The following NOD2 variants were observed in gnomAD, a reference collection of about 807,000 sequenced individuals.
The protein encoded by NOD2 is nucleotide binding oligomerization domain containing 2.
NOD2 carries 86 observed loss-of-function variants against 90.9 expected under a neutral mutation model. The ratio of observed to expected loss-of-function variants is 0.95; its 90% CI spans 0.79 to 1.13. NOD2 has a LOEUF of 1.13. Ranked by LOEUF, NOD2 falls within the 50% of genes most tolerant of loss-of-function variation. The pLI is 0.00. For missense variants in NOD2, 1,238 were observed against 1,283.8 expected (o/e 0.96, Z 0.55); for synonymous variants, 581 against 554.6 (o/e 1.05, Z -0.67).
At position 50,710,597 on chromosome 16, in the gene NOD2, C is replaced by T. The variant is rs529640892; in HGVS notation, c.605C>T (p.Thr202Met). 39 of 1,614,236 alleles carry T rather than the reference C, an allele frequency of 2.4e-5. No individual in the cohort carries two copies. Among genetic ancestry groups the T allele is most frequent in the South Asian group, 5.5e-5 (5 of 91,088 alleles). ...CKKYMAKLRT[T>M]VSAQSRFLST... is the part of the protein sequence containing the mutation. ...AAGTATATGGCCAAGCTGAGGACCA[C>T]GGTGTCTGCTCAGTCTCGCTTCCTC... Residue 202 changes from threonine (T) to methionine (M), a missense_variant, in exon 4 of 12, where the codon ACG becomes ATG. Around this residue, in one of 3 missense-constraint regions of NOD2, gnomAD observed 567 missense variants for 577.3 expected, o/e 0.98. Transcript: ENST00000647318.
intron 1 of NOD2, chr16:50,697,353 C>T (rs1282160702): frequency 4.6e-6 from 7 of 1,533,274 alleles, no homozygotes; most frequent in Non-Finnish European, 6.2e-6. Context: ...CCAGCTTGAT[C>T]CTCAGCCTTC....
In NOD2 at chr16:50,699,738, A is replaced by G. The variant is rs747274659; in HGVS notation, c.243A>G (p.Gln81=). 1 of 1,614,092 alleles carries G rather than the reference A, an allele frequency of 6.2e-7. No homozygotes were observed. The highest frequency in any genetic ancestry group is 2.2e-5 in the East Asian group (1 of 44,874). The change falls in exon 2 of 12, where the codon CAA becomes CAG. Residue 81 remains glutamine, a synonymous_variant. Transcript: ENST00000647318. Reference sequence around the variant, plus strand: ...GTCAGAAGCTCATCGCGGCTGCCCAAGAAGCCCAGGCCGACAGCCAGTCCC... The same window carrying G: ...GTCAGAAGCTCATCGCGGCTGCCCAGGAAGCCCAGGCCGACAGCCAGTCCC... The part of the protein sequence containing the change: ...WACQKLIAAA[Q]EAQADSQSPK...
intron 6 of NOD2, among the ~76,000 whole-genome samples, chr16:50,718,021 T>G (rs1218786222): frequency 6.6e-6 from 1 of 152,192 alleles, no homozygotes; most frequent in African/African-American, 2.4e-5. Flanking sequence ...AAGAGAGTAA[T>G]AGCAACTCAT....
At chr16:50,729,207 C>CCCA (rs1329410767) in intron 10 of NOD2, 1 of 157,812 alleles carries the variant, frequency 6.3e-6, no homozygotes, top group Non-Finnish European at 1.4e-5. Context: ...TCCCACAACA[C>CCCA]GTGGGAATTC....
In NOD2 at chr16:50,729,749, C is replaced by CT; in HGVS notation, c.2886-66dup. 2.2e-6 allele frequency: 3 copies of CT among 1,374,436 alleles called. No individual in the cohort carries two copies. The South Asian group carries it at 3.5e-5, about 16-fold the overall frequency. 85.1% of individuals were successfully genotyped at this position (1,374,436 alleles called of 1,614,324 possible). ...GTAGACTGGCTAACTCCTGCAGTCT[C>CT]TTTAACTGGACAGTTTCAAGAGGAA... is the stretch of plus-strand genomic sequence containing the variant. On this transcript the variant is annotated intron_variant, in intron 10 of 11. Coordinates refer to ENST00000647318, the MANE Select transcript of NOD2 (RefSeq NM_001370466.1).
chr16:50,712,105 A>G lies in NOD2; in HGVS notation c.2113A>G (p.Ser705Gly). The change falls in exon 4 of 12, where the codon AGC becomes GGC. Residue 705 changes from serine to glycine, a missense_variant. Around this residue, in one of 3 missense-constraint regions of NOD2, gnomAD observed 667 missense variants for 688.7 expected, o/e 0.97. Transcript: ENST00000647318. ...GCCAGCTGCACCGGGTGAGGCCAAG[A>G]GCGTGCATGCCATGCCCGGGTTCAT... ...IPPAAPGEAK[S>G]VHAMPGFIWL... 6.2e-7 allele frequency: 1 copy of G among 1,613,960 alleles called. No homozygotes were observed. The highest frequency in any genetic ancestry group is 8.5e-7 in the Non-Finnish European group (1 of 1,180,016).
At chr16:50,706,127 G>T (rs1380980441) in intron 2 of NOD2, among the ~76,000 whole-genome samples, 1 of 152,220 alleles carries the variant, frequency 6.6e-6, no homozygotes, top group African/African-American at 2.4e-5. Flanking sequence ...TGGATGGCTA[G>T]GGGAAGGCTT....
intron 1 of NOD2, among the ~76,000 whole-genome samples, chr16:50,694,473 C>A (rs776904956): frequency 7.9e-5 from 12 of 152,166 alleles, no homozygotes; most frequent in Non-Finnish European, 1.8e-4. Context: ...AGTTTGTTGG[C>A]TGCTCAAGGC....
Position 50,711,492 on chromosome 16 carries a change from C to T in NOD2, c.1500C>T (p.Pro500=), listed in dbSNP as rs104895435. ...ILQHFLLHAT[P]PDSASQGLGP... Reference sequence around the variant, plus strand: ...AGCATTTTCTGCTGCATGCCACCCCCCCAGACTCAGCTTCCCAAGGTCTGG... The same window carrying T: ...AGCATTTTCTGCTGCATGCCACCCCTCCAGACTCAGCTTCCCAAGGTCTGG... Residue 500 remains proline (P), a synonymous_variant, in exon 4 of 12, where the codon CCC becomes CCT. Transcript: ENST00000647318. 1.9e-6 allele frequency: 3 copies of T among 1,613,220 alleles called. No homozygotes were observed. Among genetic ancestry groups the T allele is most frequent in the Middle Eastern group, 1.6e-4 (1 of 6,080 alleles).
chr16:50,723,155 G>T, intron 8 of NOD2, 146 bp from the exon 9 acceptor site: 20 of 311,052 alleles, frequency 6.4e-5, no homozygotes, highest in Non-Finnish European at 8.8e-5. Flanking sequence ...AAAAAAAAAA[G>T]AAAAAAGAAA....
chr16:50,716,487 TG>T, intron 4 of NOD2, 99 bp from the exon 5 acceptor site: 2 of 1,157,452 alleles, frequency 1.7e-6, no homozygotes, highest in African/African-American at 1.5e-5. Flanking sequence ...GCACAGATGC[TG>T]GCACTTCAGG....
intron 4 of NOD2, among the ~76,000 whole-genome samples, chr16:50,714,720 A>G (rs1432928429): frequency 6.6e-6 from 1 of 151,540 alleles, no homozygotes; most frequent in Non-Finnish European, 1.5e-5. Context: ...CACAGTGCCA[A>G]CCTGCCTCTC....
At position 50,716,657 on chromosome 16, in the gene NOD2, T is replaced by C. The variant is rs1964810541; in HGVS notation, c.2452T>C (p.Leu818=). 6.2e-7 allele frequency: 1 copy of C among 1,614,166 alleles called. No homozygotes were observed. Among genetic ancestry groups the C allele is most frequent in the Non-Finnish European group, 8.5e-7 (1 of 1,179,986 alleles). ...TGAATGTGCTCTTCACTGCGAGCAA[T>C]TGCAGAAGTTAGCGTAAGTCAGCCT... ...LIECALHCEQ[L]QKLALFNNKL... is the part of the protein sequence containing the mutation. The change falls in exon 5 of 12, where the codon TTG becomes CTG. Residue 818 remains leucine (L), a synonymous_variant. Coordinates refer to ENST00000647318, the MANE Select transcript of NOD2 (RefSeq NM_001370466.1).
At position 50,699,487 on chromosome 16, in the gene NOD2, G is replaced by C. The variant is rs1427710960; in HGVS notation, c.-8-1G>C. 8 of 1,612,812 alleles carry C rather than the reference G, an allele frequency of 5.0e-6. No homozygotes were observed. Among genetic ancestry groups the C allele is most frequent in the Middle Eastern group, 1.9e-4 (1 of 5,194 alleles). ...CGCACTGACCTTGTTCTCCTCCCCA[G>C]GTTGTGAAATGTGCTCGCAGGAGGC... On this transcript the variant is annotated splice_acceptor_variant, in intron 1 of 11. Coordinates refer to ENST00000647318, the MANE Select transcript of NOD2 (RefSeq NM_001370466.1). LOFTEE classifies it low-confidence loss of function (5UTR_SPLICE).
intron 9 of NOD2, among the ~76,000 whole-genome samples, chr16:50,724,489 G>A (rs1965197221): frequency 6.6e-6 from 1 of 152,222 alleles, no homozygotes; most frequent in Non-Finnish European, 1.5e-5. Context: ...TAGGCAAGCA[G>A]TATCTATAGA....
At chr16:50,726,065 G>T (rs537691338) in intron 10 of NOD2, among the ~76,000 whole-genome samples, 1 of 152,314 alleles carries the variant, frequency 6.6e-6, no homozygotes, top group African/African-American at 2.4e-5. Flanking sequence ...CAGGCAGAGA[G>T]TGGAAGGTCT....
At chr16:50,707,241 C>T (rs1964236944) in intron 2 of NOD2, among the ~76,000 whole-genome samples, 1 of 152,170 alleles carries the variant, frequency 6.6e-6, no homozygotes, top group African/African-American at 2.4e-5. Context: ...TGGCAGATTA[C>T]AGACGAGAGG....
intron 10 of NOD2, chr16:50,727,576 G>A (rs1047590318): frequency 3.4e-5 from 10 of 291,710 alleles, no homozygotes; most frequent in Admixed American, 2.3e-4. Flanking sequence ...GGTTGTGGAA[G>A]CATTTTTCCT....
At chr16:50,709,697 C>T (rs181216641) in intron 3 of NOD2, among the ~76,000 whole-genome samples, 103 of 152,222 alleles carry the variant, frequency 6.8e-4, no homozygotes, top group African/African-American at 2.4e-3. Context: ...CTCCCCATCT[C>T]GAAGTTTAAC....
Sources: gnomAD v4.1 joint callset for allele counts (sites outside exome capture counted in the v4.1 genomes callset) on GRCh38, gnomAD v4.1.1 for gene constraint, gnomAD v4.1.1 regional missense constraint, MANE v1.5 for transcripts, NCBI Gene and HGNC (gene_info 2026-07-23, HGNC 2026-07-21) for gene names.